The following CNTNAP2 variants were observed in gnomAD, a reference collection of about 807,000 sequenced individuals.
CNTNAP2 encodes contactin-associated protein-like 2.
Under a neutral mutation model 155.2 loss-of-function variants are expected in CNTNAP2, and 98 were observed. That is an observed-to-expected ratio of 0.63 (90% confidence interval 0.54 to 0.75). CNTNAP2 has a LOEUF of 0.75. Ranked by LOEUF, CNTNAP2 falls within the 30% of genes least tolerant of loss-of-function variation. The pLI, the probability that CNTNAP2 is intolerant of heterozygous loss-of-function variation, is 0.00. For synonymous variants in CNTNAP2, 651 were observed against 631.2 expected (o/e 1.03, Z -0.47); for missense variants, 1,727 against 1,688.1 (o/e 1.02, Z -0.40).
intron 2 of CNTNAP2, among the ~76,000 whole-genome samples, chr7:146,818,884 A>G (rs1803223982): frequency 6.6e-6 from 1 of 152,148 alleles, no homozygotes; most frequent in African/African-American, 2.4e-5. Context: ...AATATTTAAC[A>G]TCACTACTTA....
At chr7:146,448,473 G>A (rs67931611) in intron 1 of CNTNAP2, among the ~76,000 whole-genome samples, 46,439 of 149,858 alleles carry the variant, frequency 0.31, 7,299 homozygotes, top group Admixed American at 0.44. Context: ...TGCACTTACC[G>A]TTGCTCTGTT....
chr7:146,777,958 A>G (rs1802419793), intron 2 of CNTNAP2, among the ~76,000 whole-genome samples: 1 of 152,126 alleles, frequency 6.6e-6, no homozygotes, highest in Non-Finnish European at 1.5e-5. Flanking sequence ...TAAAGAAGAC[A>G]GACAATTCCA....
At chr7:147,124,327 T>A (rs1000417257) in intron 6 of CNTNAP2, among the ~76,000 whole-genome samples, 13 of 152,152 alleles carry the variant, frequency 8.5e-5, no homozygotes, top group African/African-American at 3.1e-4. Context: ...CTCAATCAAT[T>A]CTTCCAGAGT....
chr7:147,230,253 T>C (rs1803647564), intron 8 of CNTNAP2, among the ~76,000 whole-genome samples: 1 of 152,006 alleles, frequency 6.6e-6, no homozygotes, highest in Admixed American at 6.6e-5. Flanking sequence ...TTTTTGAATT[T>C]ATTTATTTAT....
intron 14 of CNTNAP2, among the ~76,000 whole-genome samples, chr7:147,926,132 T>C (rs1800393890): frequency 6.6e-6 from 1 of 152,196 alleles, no homozygotes; most frequent in Non-Finnish European, 1.5e-5. Flanking sequence ...TATACCTTCT[T>C]CAAATGGAGT....
chr7:146,457,725 G>A (rs981567875), intron 1 of CNTNAP2, among the ~76,000 whole-genome samples: 7 of 150,958 alleles, frequency 4.6e-5, no homozygotes, highest in African/African-American at 1.5e-4. Context: ...GGATGGTCTC[G>A]ATCTCCTGAC....
intron 13 of CNTNAP2, among the ~76,000 whole-genome samples, chr7:147,872,376 G>A (rs539351267): frequency 1.1e-4 from 17 of 152,290 alleles, no homozygotes; most frequent in African/African-American, 4.1e-4. Flanking sequence ...CCGAATAGGA[G>A]AGTAAATATT....
At chr7:148,191,784 G>T (rs995323445) in intron 18 of CNTNAP2, among the ~76,000 whole-genome samples, 2 of 152,166 alleles carry the variant, frequency 1.3e-5, no homozygotes, top group African/African-American at 4.8e-5. Context: ...TAGGGGTTAG[G>T]ATTTCAACAT....
intron 15 of CNTNAP2, among the ~76,000 whole-genome samples, chr7:148,092,015 G>A (rs879033663): frequency 6.6e-6 from 1 of 152,164 alleles, no homozygotes; most frequent in Admixed American, 6.5e-5. Context: ...ATCCAAAAAC[G>A]AGGAAGGAGG....
At chr7:147,581,731 A>G (rs533078945) in intron 12 of CNTNAP2, among the ~76,000 whole-genome samples, 26 of 152,318 alleles carry the variant, frequency 1.7e-4, no homozygotes, top group African/African-American at 6.3e-4. Flanking sequence ...CAGTAACAAC[A>G]TGTACTCGGT....
chr7:146,470,749 T>C (rs1010223762), intron 1 of CNTNAP2, among the ~76,000 whole-genome samples: 7 of 152,052 alleles, frequency 4.6e-5, no homozygotes, highest in African/African-American at 1.4e-4. Flanking sequence ...TTTGTATTTT[T>C]AGTAGATACA....
At position 146,655,665 on chromosome 7, in the gene CNTNAP2, A is replaced by C. The variant is rs181840743; in HGVS notation, c.98-118606A>C. Among the ~76,000 whole-genome samples, 372 of 152,240 alleles carry C rather than the reference A, an allele frequency of 2.4e-3. 2 individuals are homozygous for C. Among genetic ancestry groups the C allele is most frequent in the African/African-American group, 8.4e-3 (348 of 41,584 alleles). ...GTTACCTTTTTAAAATAAATTGAAC[A>C]TGAATAATGAGTCTAATATAGTACA... On this transcript the variant is annotated intron_variant, in intron 1 of 23. Coordinates refer to ENST00000361727, the MANE Select transcript of CNTNAP2 (RefSeq NM_014141.6).
At chr7:147,460,525 G>T (rs1047363654) in intron 10 of CNTNAP2, among the ~76,000 whole-genome samples, 6 of 152,184 alleles carry the variant, frequency 3.9e-5, no homozygotes, top group Middle Eastern at 3.4e-3. Flanking sequence ...AATTGGTTTT[G>T]TTTTACCATC....
chr7:146,691,166 G>A (rs1800691637), intron 1 of CNTNAP2, among the ~76,000 whole-genome samples: 1 of 151,460 alleles, frequency 6.6e-6, no homozygotes, highest in Non-Finnish European at 1.5e-5. Flanking sequence ...TATTTCCATT[G>A]GGTAATCACC....
intron 1 of CNTNAP2, among the ~76,000 whole-genome samples, chr7:146,148,623 G>T (rs1256158904): frequency 2.6e-5 from 4 of 151,920 alleles, no homozygotes; most frequent in African/African-American, 7.3e-5. Context: ...ACCTTGAAAA[G>T]GTATGCACAT....
chr7:146,202,427 A>G (rs1798879910), intron 1 of CNTNAP2, among the ~76,000 whole-genome samples: 1 of 152,186 alleles, frequency 6.6e-6, no homozygotes, highest in Admixed American at 6.5e-5. Flanking sequence ...TATGTATCTA[A>G]TTCTAATTTG....
At chr7:146,449,945 C>T (rs1055075024) in intron 1 of CNTNAP2, among the ~76,000 whole-genome samples, 12 of 152,176 alleles carry the variant, frequency 7.9e-5, no homozygotes, top group African/African-American at 2.9e-4. Flanking sequence ...CTGTGGAGCA[C>T]TGACATCCAA....
chr7:146,337,639 T>C (rs73465936), intron 1 of CNTNAP2, among the ~76,000 whole-genome samples: 7,343 of 151,920 alleles, frequency 0.048, 630 homozygotes, highest in African/African-American at 0.17. Flanking sequence ...TTTGTTTGTT[T>C]TAATTTTTCT....
intron 1 of CNTNAP2, among the ~76,000 whole-genome samples, chr7:146,395,014 G>C (rs998839752): frequency 1.3e-5 from 2 of 152,088 alleles, no homozygotes; most frequent in African/African-American, 4.8e-5. Flanking sequence ...TTTTGAGCTA[G>C]TTCACCTCAA....
Sources: gnomAD v4.1 joint callset for allele counts (sites outside exome capture counted in the v4.1 genomes callset) on GRCh38, gnomAD v4.1.1 for gene constraint, MANE v1.5 for transcripts, NCBI Gene and HGNC (gene_info 2026-07-23, HGNC 2026-07-21) for gene names.